EDC4: variants seen among roughly 807,000 people sequenced by gnomAD.
The protein encoded by EDC4 is enhancer of mRNA-decapping protein 4.
A neutral mutation model predicts 155.8 loss-of-function variants in EDC4; 64 were observed. The observed-to-expected ratio is 0.41, with a 90% CI of 0.34 to 0.51. EDC4 has a LOEUF of 0.51. Among genes scored for constraint, EDC4 ranks in the 20% least tolerant of loss-of-function variants. EDC4 has a pLI of 0.19. For synonymous variants in EDC4, 684 were observed against 716.8 expected (o/e 0.95, Z 0.73); for missense variants, 1,303 against 1,812.5 (o/e 0.72, Z 5.10).
Position 67,879,669 on chromosome 16 carries a change from C to G in EDC4, c.1716C>G (p.Ile572Met), listed in dbSNP as rs139500348. 2.9e-4 allele frequency: 467 copies of G among 1,614,126 alleles called. No homozygotes were observed. The African/African-American group carries it at 5.7e-3, about 20-fold the overall frequency. ...AHGSQPDLRR[I>M]VELPAPADFL... The stretch of plus-strand genomic sequence containing the variant: ...GCTCCCAGCCTGACCTCCGACGAAT[C>G]GTGGAGCTGCCTGCACCTGCCGACT... Residue 572 changes from isoleucine to methionine, a missense_variant, in exon 15 of 29, where the codon ATC becomes ATG. Transcript: ENST00000358933. The surrounding 1 kb of genome is among the most constrained non-coding windows in gnomAD (Gnocchi z 6.0).
At position 67,877,560 on chromosome 16, in the gene EDC4, C is replaced by A. The variant is rs755911794; in HGVS notation, c.693C>A (p.His231Gln). 1 of 1,614,230 alleles carries A rather than the reference C, an allele frequency of 6.2e-7. No individual in the cohort carries two copies. Among genetic ancestry groups the A allele is most frequent in the African/African-American group, 1.3e-5 (1 of 75,068 alleles). The change falls in exon 6 of 29, where the codon CAC becomes CAA. Residue 231 changes from histidine to glutamine, a missense_variant. This residue lies in a region of EDC4 where 235 missense variants were observed against 367.7 expected (regional missense o/e 0.64). Coordinates refer to ENST00000358933, the MANE Select transcript of EDC4 (RefSeq NM_014329.5). This position sits in a 1 kb window ranked among gnomAD's most constrained non-coding sequence, Gnocchi z 4.9. ...IRQPEGTPLN[H>Q]FRRIIWCPFI... ...AGCCAGAGGGCACGCCACTGAACCACTTTCGCAGGATCATCTGGTGCCCCT... is the reference window on the plus strand; with the variant it reads ...AGCCAGAGGGCACGCCACTGAACCAATTTCGCAGGATCATCTGGTGCCCCT...
Position 67,878,051 on chromosome 16 carries a change from G to A in EDC4, c.895-115G>A. 1.3e-6 allele frequency: 2 copies of A among 1,525,016 alleles called. No individual in the cohort carries two copies. The highest frequency in any genetic ancestry group is 1.2e-5 in the South Asian group (1 of 80,284). 94.5% of individuals were successfully genotyped at this position (1,525,016 alleles called of 1,614,324 possible). A position where few individuals can be genotyped will look rare whatever the true frequency, so the allele number is the denominator to read the frequency against. On this transcript the variant is annotated intron_variant, in intron 7 of 28. Coordinates refer to ENST00000358933, the MANE Select transcript of EDC4 (RefSeq NM_014329.5). This position sits in a 1 kb window ranked among gnomAD's most constrained non-coding sequence, Gnocchi z 5.2. ...CTTCTCTAGGAACCCTGTTCATTTAGTCAGTCACACAAGCATGCCAGTCCC... is the reference window on the plus strand; with the variant it reads ...CTTCTCTAGGAACCCTGTTCATTTAATCAGTCACACAAGCATGCCAGTCCC...
Position 67,883,782 on chromosome 16 carries a change from G to T in EDC4, c.4013+51G>T. The T allele has an allele frequency of 6.3e-7, 1 of 1,599,382 alleles. No homozygotes were observed. The highest frequency in any genetic ancestry group is 8.6e-7 in the Non-Finnish European group (1 of 1,169,340). On this transcript the variant is annotated intron_variant, in intron 28 of 28. Transcript: ENST00000358933. The surrounding 1 kb of genome is among the most constrained non-coding windows in gnomAD (Gnocchi z 5.3). ...GAGATGAGCTGGGGAGTGGGGCAGT[G>T]GGAGGGAGCAGTTTGAAGCTGACGC...
rs772881883 is a variant in EDC4 at position 67,879,659 on chromosome 16, TC to T, written c.1708del (p.Arg570AspfsTer15). ...GCCGCTCACGGCTCCCAGCCTGACC[TC>T]CGACGAATCGTGGAGCTGCCTGCAC... ...GSAAHGSQPDLRRIVELPAPA... is the reference protein window; with the variant it reads ...GSAAHGSQPDXRRIVELPAPA... On this transcript the variant is annotated frameshift_variant, in exon 15 of 29. Transcript: ENST00000358933. LOFTEE classifies it high-confidence loss of function. The surrounding 1 kb of genome is among the most constrained non-coding windows in gnomAD (Gnocchi z 6.0). 1 of 1,614,168 alleles carries T rather than the reference TC, an allele frequency of 6.2e-7. No individual in the cohort carries two copies. Among genetic ancestry groups the T allele is most frequent in the Non-Finnish European group, 8.5e-7 (1 of 1,180,024 alleles).
chr16:67,878,900 G>T lies in EDC4; in HGVS notation c.1288-57G>T. 6.2e-7 allele frequency: 1 copy of T among 1,611,138 alleles called. No individual in the cohort carries two copies. The highest frequency in any genetic ancestry group is 2.2e-5 in the East Asian group (1 of 44,880). On this transcript the variant is annotated intron_variant, in intron 11 of 28. Transcript: ENST00000358933. This position sits in a 1 kb window ranked among gnomAD's most constrained non-coding sequence, Gnocchi z 5.2. ...ATTATAGAGGAAGGCCGGGGGGCAG[G>T]TGGCGCATCACAGCCCTTAGCCTCT...
In EDC4 at chr16:67,880,606, C is replaced by T; in HGVS notation, c.2147C>T (p.Pro716Leu). 6.2e-7 allele frequency: 1 copy of T among 1,614,126 alleles called. No individual in the cohort carries two copies. Among genetic ancestry groups the T allele is most frequent in the South Asian group, 1.1e-5 (1 of 91,092 alleles). ...TCCCTGGAGCTGCAGGAAGTGGAGC[C>T]CCTGGGGCTACCCCAAGCCTCCCCT... is the stretch of plus-strand genomic sequence containing the variant. ...ALSLELQEVE[P>L]LGLPQASPSR... The change falls in exon 18 of 29, where the codon CCC becomes CTC. Residue 716 changes from proline to leucine, a missense_variant. Transcript: ENST00000358933. This position sits in a 1 kb window ranked among gnomAD's most constrained non-coding sequence, Gnocchi z 5.2.
At position 67,879,183 on chromosome 16, in the gene EDC4, G is replaced by C; in HGVS notation, c.1468+46G>C. 1.2e-6 allele frequency: 2 copies of C among 1,614,210 alleles called. No individual in the cohort carries two copies. The highest frequency in any genetic ancestry group is 1.7e-6 in the Non-Finnish European group (2 of 1,180,030). ...AGCTATGTGTCCATATATCTAGGGG[G>C]TTGTGGAGGCACAGAGAGGGCCAGG... On this transcript the variant is annotated intron_variant, in intron 12 of 28. Coordinates refer to ENST00000358933, the MANE Select transcript of EDC4 (RefSeq NM_014329.5). This position sits in a 1 kb window ranked among gnomAD's most constrained non-coding sequence, Gnocchi z 6.0.
In EDC4 at chr16:67,878,136, A is replaced by G. The variant is rs1377174111; in HGVS notation, c.895-30A>G. ...TTGGGAGGGGCTTGTTCTCACCTCT[A>G]GTCAGCAAAGCTTTTTGGGTTCTTT... On this transcript the variant is annotated intron_variant, in intron 7 of 28. Coordinates refer to ENST00000358933, the MANE Select transcript of EDC4 (RefSeq NM_014329.5). The surrounding 1 kb of genome is among the most constrained non-coding windows in gnomAD (Gnocchi z 5.2). The G allele has an allele frequency of 1.2e-6, 2 of 1,613,768 alleles. No homozygotes were observed. The highest frequency in any genetic ancestry group is 1.7e-6 in the Non-Finnish European group (2 of 1,179,900).
Position 67,881,165 on chromosome 16 carries a change from C to T in EDC4, c.2621C>T (p.Ala874Val). The T allele has an allele frequency of 6.2e-7, 1 of 1,614,116 alleles. No homozygotes were observed. Among genetic ancestry groups the T allele is most frequent in the Non-Finnish European group, 8.5e-7 (1 of 1,180,028 alleles). The change falls in exon 19 of 29, where the codon GCC becomes GTC. Residue 874 changes from alanine to valine, a missense_variant. Physicochemically the swap from Ala to Val is moderately conservative, Grantham distance 64. This residue lies in a region of EDC4 where 527 missense variants were observed against 757.0 expected (regional missense o/e 0.70). Coordinates refer to ENST00000358933, the MANE Select transcript of EDC4 (RefSeq NM_014329.5). This position sits in a 1 kb window ranked among gnomAD's most constrained non-coding sequence, Gnocchi z 5.4. The part of the protein sequence containing the change: ...HLLQQRDSQD[A>V]SAEQSDHDDE... Reference sequence around the variant, plus strand: ...CTGCAGCAACGTGACAGCCAGGATGCCAGTGCTGAGCAAAGGTGGGAGCCA... The same window carrying T: ...CTGCAGCAACGTGACAGCCAGGATGTCAGTGCTGAGCAAAGGTGGGAGCCA...
In EDC4 at chr16:67,880,656, A is replaced by G; in HGVS notation, c.2197A>G (p.Ile733Val). The G allele has an allele frequency of 6.2e-7, 1 of 1,614,074 alleles. No homozygotes were observed. Among genetic ancestry groups the G allele is most frequent in the African/African-American group, 1.3e-5 (1 of 74,996 alleles). The change falls in exon 18 of 29, where the codon ATC (isoleucine) becomes GTC (valine). Residue 733 changes from isoleucine (I) to valine (V), a missense_variant. Ile to Val is a conservative substitution (Grantham distance 29). Coordinates refer to ENST00000358933, the MANE Select transcript of EDC4 (RefSeq NM_014329.5). The surrounding 1 kb of genome is among the most constrained non-coding windows in gnomAD (Gnocchi z 5.2). ...TAGCCGCACTCGTTCCCCTGATGTC[A>G]TCTCCTCAGCTTCCACTGCCCTGTC... ...SPSRTRSPDV[I>V]SSASTALSQD...
At chr16:67,875,644 C>T (rs902879519) in intron 1 of EDC4, 12 of 938,900 alleles carry the variant, frequency 1.3e-5, no homozygotes, top group Non-Finnish European at 1.6e-5. Context: ...CCCTCCTATG[C>T]CCTCACTCAG....
rs773809241 is a variant in EDC4, at chr16:67,878,384, T to C, written c.1029T>C (p.His343=). ...EPRCLHEWKP[H]DGRPLSCLLF... Reference sequence around the variant, plus strand: ...GGTGTCTGCACGAGTGGAAACCTCATGATGGGCGGCCCCTCTCCTGCCTCC... The same window carrying C: ...GGTGTCTGCACGAGTGGAAACCTCACGATGGGCGGCCCCTCTCCTGCCTCC... The change falls in exon 9 of 29, where the codon CAT becomes CAC. Residue 343 remains histidine, a synonymous_variant. Transcript: ENST00000358933. This position sits in a 1 kb window ranked among gnomAD's most constrained non-coding sequence, Gnocchi z 5.2. 1.7e-5 allele frequency: 28 copies of C among 1,614,066 alleles called. No individual in the cohort carries two copies. The highest frequency in any genetic ancestry group is 2.3e-5 in the Non-Finnish European group (27 of 1,180,042).
Position 67,876,941 on chromosome 16 carries a change from G to A in EDC4, c.420G>A (p.Val140=), listed in dbSNP as rs144281942. 5 of 1,614,128 alleles carry A rather than the reference G, an allele frequency of 3.1e-6. No homozygotes were observed. Among genetic ancestry groups the A allele is most frequent in the Non-Finnish European group, 4.2e-6 (5 of 1,180,046 alleles). Residue 140 remains valine, a synonymous_variant, in exon 4 of 29, where the codon GTG becomes GTA. Coordinates refer to ENST00000358933, the MANE Select transcript of EDC4 (RefSeq NM_014329.5). This position sits in a 1 kb window ranked among gnomAD's most constrained non-coding sequence, Gnocchi z 5.8. The stretch of plus-strand genomic sequence containing the variant: ...ACTACTATGGCAACCTGATTGCTGT[G>A]TCTAACTCCTTCTTGGCCTATGCCA... ...QKYYYGNLIA[V]SNSFLAYAIR...
In EDC4 at chr16:67,880,007, C is replaced by T. The variant is rs756823229; in HGVS notation, c.1943+36C>T. The T allele has an allele frequency of 1.3e-6, 2 of 1,591,216 alleles. No homozygotes were observed. The highest frequency in any genetic ancestry group is 1.7e-5 in the Admixed American group (1 of 58,962). Reference sequence around the variant, plus strand: ...GGTCAGAGATGGAGGATGGCAGGGGCTGGTACCAGATGATGCCAAGCTCTG... The same window carrying T: ...GGTCAGAGATGGAGGATGGCAGGGGTTGGTACCAGATGATGCCAAGCTCTG... On this transcript the variant is annotated intron_variant, in intron 16 of 28. Transcript: ENST00000358933. The surrounding 1 kb of genome is among the most constrained non-coding windows in gnomAD (Gnocchi z 5.2).
chr16:67,873,462 A>G, intron 1 of EDC4, 119 bp downstream of exon 1: 2 of 825,496 alleles, frequency 2.4e-6, no homozygotes, highest in Middle Eastern at 2.4e-4. Context: ...CCGGCGGGTA[A>G]GGGTGGACGG....
chr16:67,876,177 G>A lies in EDC4; in HGVS notation c.239+76G>A. The A allele has an allele frequency of 6.7e-7, 1 of 1,484,920 alleles. No individual in the cohort carries two copies. Among genetic ancestry groups the A allele is most frequent in the Non-Finnish European group, 9.3e-7 (1 of 1,074,462 alleles). 92.0% of individuals were successfully genotyped at this position (1,484,920 alleles called of 1,614,324 possible). On this transcript the variant is annotated intron_variant, in intron 2 of 28. Coordinates refer to ENST00000358933, the MANE Select transcript of EDC4 (RefSeq NM_014329.5). The surrounding 1 kb of genome is among the most constrained non-coding windows in gnomAD (Gnocchi z 5.8). ...GCTAGCTGAAGGCATGAGATGGGGAGTGAGCGGGGCCAGCAGCCTCTGCTG... is the reference window on the plus strand; with the variant it reads ...GCTAGCTGAAGGCATGAGATGGGGAATGAGCGGGGCCAGCAGCCTCTGCTG...
At position 67,881,374 on chromosome 16, in the gene EDC4, C is replaced by T; in HGVS notation, c.2746C>T (p.Arg916Ter). 2 of 1,614,136 alleles carry T rather than the reference C, an allele frequency of 1.2e-6. No individual in the cohort carries two copies. Among genetic ancestry groups the T allele is most frequent in the Non-Finnish European group, 1.7e-6 (2 of 1,180,016 alleles). ...GGACTGGAAGACCAAGGGATCCCCT[C>T]GAACCTCACCCAAGCTCAAGAGGAA... ...AKDWKTKGSP[R>*]TSPKLKRKSK... is the part of the protein sequence containing the mutation. Residue 916 changes from arginine (R) to a stop codon, truncating the protein, a stop_gained, in exon 20 of 29, where the codon CGA (arginine) becomes TGA (stop). Coordinates refer to ENST00000358933, the MANE Select transcript of EDC4 (RefSeq NM_014329.5). LOFTEE classifies it high-confidence loss of function. This position sits in a 1 kb window ranked among gnomAD's most constrained non-coding sequence, Gnocchi z 5.4.
In EDC4 at chr16:67,880,651, A is replaced by G. The variant is rs762154339; in HGVS notation, c.2192A>G (p.Asp731Gly). ...TCCCCTAGCCGCACTCGTTCCCCTG[A>G]TGTCATCTCCTCAGCTTCCACTGCC... ...QASPSRTRSPDVISSASTALS... is the reference protein window; with the variant it reads ...QASPSRTRSPGVISSASTALS... Residue 731 changes from aspartate (D) to glycine (G), a missense_variant, in exon 18 of 29, where the codon GAT becomes GGT. Around this residue, in one of 5 missense-constraint regions of EDC4, gnomAD observed 391 missense variants for 445.4 expected, o/e 0.88. Coordinates refer to ENST00000358933, the MANE Select transcript of EDC4 (RefSeq NM_014329.5). The surrounding 1 kb of genome is among the most constrained non-coding windows in gnomAD (Gnocchi z 5.2). 4 of 1,614,078 alleles carry G rather than the reference A, an allele frequency of 2.5e-6. No homozygotes were observed. Among genetic ancestry groups the G allele is most frequent in the Non-Finnish European group, 2.5e-6 (3 of 1,180,014 alleles).
chr16:67,877,518 C>T lies in EDC4; in HGVS notation c.651C>T (p.Ile217=), dbSNP rs776771726. The T allele has an allele frequency of 6.2e-7, 1 of 1,614,196 alleles. No individual in the cohort carries two copies. Among genetic ancestry groups the T allele is most frequent in the Non-Finnish European group, 8.5e-7 (1 of 1,180,028 alleles). Reference sequence around the variant, plus strand: ...TTAACACCCTGCTCAGAGAAGAGATCTTGGTCCATATTCGGCAGCCAGAGG... The same window carrying T: ...TTAACACCCTGCTCAGAGAAGAGATTTTGGTCCATATTCGGCAGCCAGAGG... ...ALVNGKIQEE[I]LVHIRQPEGT... Residue 217 remains isoleucine, a synonymous_variant, in exon 6 of 29, where the codon ATC becomes ATT. Transcript: ENST00000358933. This position sits in a 1 kb window ranked among gnomAD's most constrained non-coding sequence, Gnocchi z 4.9.
Sources: allele counts gnomAD v4.1 joint callset, GRCh38; gene constraint gnomAD v4.1.1; regional missense constraint gnomAD v4.1.1; non-coding constraint Gnocchi (gnomAD v3.1); transcripts MANE v1.5; gene names NCBI Gene and HGNC (gene_info 2026-07-23, HGNC 2026-07-21).